CCDC160: variants seen among roughly 807,000 people sequenced by gnomAD.
The protein encoded by CCDC160 is coiled-coil domain-containing protein 160.
For synonymous variants in CCDC160, 94 were observed against 79.4 expected, an observed-to-expected ratio of 1.18 and a Z score of -0.98; for missense variants, 227 against 215.6, an observed-to-expected ratio of 1.05 and a Z score of -0.33.
At chrX:134,245,247 T>G in exon 2 of CCDC160, 3 of 1,194,538 alleles carry the variant, frequency 2.5e-6, no homozygotes, top group Non-Finnish European at 3.4e-6. Context: ...GCCTGAATCT[T>G]TTGAATGAAG....
chrX:134,238,472 A>T (rs1371805951), intron 1 of CCDC160, among the ~76,000 whole-genome samples: 1 of 102,968 alleles, frequency 9.7e-6, no homozygotes, highest in African/African-American at 3.6e-5. Flanking sequence ...TCCCTGGTTC[A>T]AGCGATTCTC....
chrX:134,242,156 G>A (rs1243831286), intron 1 of CCDC160, among the ~76,000 whole-genome samples: 1 of 110,986 alleles, frequency 9.0e-6, no homozygotes, highest in Non-Finnish European at 1.9e-5. Flanking sequence ...TAAGCCATGG[G>A]AGGGAAATTC....
downstream of CCDC160, among the ~76,000 whole-genome samples, chrX:134,246,550 C>T (rs1182037122): frequency 8.9e-6 from 1 of 111,810 alleles, no homozygotes; most frequent in Non-Finnish European, 1.9e-5. Context: ...GCTTCCTCCC[C>T]GGCTTACATC....
At chrX:134,244,798 G>A (rs751140112) in exon 2 of CCDC160, 5 of 1,159,540 alleles carry the variant, frequency 4.3e-6, no homozygotes, top group Non-Finnish European at 4.6e-6. Context: ...GGTGCCTGGA[G>A]AAATGGATGC....
intron 1 of CCDC160, chrX:134,238,833 C>T (rs768805039): frequency 9.0e-6 from 1 of 111,688 alleles, no homozygotes; most frequent in African/African-American, 3.3e-5. Flanking sequence ...TCTTGGACCC[C>T]AGGAAGTGTA....
In CCDC160 at chrX:134,245,502, G is replaced by C. The variant is rs1215988886; in HGVS notation, c.702G>C (p.Leu234Phe). Residue 234 changes from leucine to phenylalanine, a missense_variant, in exon 2 of 2, where the codon TTG (leucine) becomes TTC (phenylalanine). Leu to Phe is a conservative substitution (Grantham distance 22, BLOSUM62 0). Transcript: ENST00000370809. ...AAGCCAAAGAAGTCATCCACAAATT[G>C]AACCTAGAGAACAGAAATTTAAAAG... 2.5e-6 allele frequency: 3 copies of C among 1,191,255 alleles called. No homozygotes were observed. The South Asian group carries it at 5.6e-5, about 22-fold the overall frequency.
At chrX:134,245,329 C>T in exon 2 of CCDC160, 1 of 1,187,138 alleles carries the variant, frequency 8.4e-7, no homozygotes. Context: ...AGAACTTTTG[C>T]ACTACAAAAA....
intron 1 of CCDC160, among the ~76,000 whole-genome samples, chrX:134,240,291 A>T (rs2077023088): frequency 8.9e-6 from 1 of 112,328 alleles, no homozygotes; most frequent in South Asian, 3.7e-4. Flanking sequence ...TTGGTGGAGC[A>T]GTTTTTCTAA....
chrX:134,238,298 G>T (rs1348830202), intron 1 of CCDC160, among the ~76,000 whole-genome samples: 9 of 108,278 alleles, frequency 8.3e-5, no homozygotes, highest in Admixed American at 3.0e-4. Flanking sequence ...GACAAAAAGA[G>T]AAATTACCTC....
At chrX:134,243,714 A>T (rs2077034010) in intron 1 of CCDC160, among the ~76,000 whole-genome samples, 1 of 112,143 alleles carries the variant, frequency 8.9e-6, no homozygotes, top group Non-Finnish European at 1.9e-5. Context: ...GCATACTTTG[A>T]TTTTTCTACA....
intron 1 of CCDC160, among the ~76,000 whole-genome samples, chrX:134,240,516 A>G (rs2077023740): frequency 9.1e-6 from 1 of 110,374 alleles, no homozygotes; most frequent in Admixed American, 9.7e-5. Flanking sequence ...TTTGAGAGGA[A>G]GGACCCTTGT....
At chrX:134,245,874 G>A (rs2077041748), downstream of CCDC160, 1 of 590,647 alleles carries the variant, frequency 1.7e-6, no homozygotes, top group Non-Finnish European at 2.4e-6. Context: ...GTAATAGGAT[G>A]TTATTTTCAT....
intron 1 of CCDC160, among the ~76,000 whole-genome samples, chrX:134,243,144 A>T (rs1274366343): frequency 8.9e-6 from 1 of 112,190 alleles, no homozygotes; most frequent in East Asian, 2.8e-4. Flanking sequence ...AAAAGAAAGA[A>T]GATGATGCTC....
chrX:134,239,836 T>G (rs2077021713), intron 1 of CCDC160, among the ~76,000 whole-genome samples: 1 of 112,150 alleles, frequency 8.9e-6, no homozygotes, highest in Non-Finnish European at 1.9e-5. Flanking sequence ...GTCCCTATTT[T>G]ACACCTGAAG....
chrX:134,246,004 A>AGTGTGTGTGTGT (rs201689931), downstream of CCDC160: 117 of 200,242 alleles, frequency 5.8e-4, no homozygotes, highest in East Asian at 5.0e-3. Context: ...CTCATATCAG[A>AGTGTGTGTGTGT]GTGTGTGTGT....
intron 1 of CCDC160, among the ~76,000 whole-genome samples, chrX:134,242,409 G>A (rs2077030090): frequency 9.0e-6 from 1 of 111,443 alleles, no homozygotes; most frequent in African/African-American, 3.3e-5. Flanking sequence ...TATGGGCTGT[G>A]TGGCCTTGGT....
chrX:134,244,801 A>G, exon 2 of CCDC160: 1 of 1,159,934 alleles, frequency 8.6e-7, no homozygotes, highest in African/African-American at 1.8e-5. Context: ...GCCTGGAGAA[A>G]TGGATGCTAG....
At chrX:134,245,376 A>G in exon 2 of CCDC160, 7 of 1,191,934 alleles carry the variant, frequency 5.9e-6, no homozygotes, top group Non-Finnish European at 7.9e-6. Flanking sequence ...TTCAAGAAAC[A>G]GAGACGGATG....
intron 1 of CCDC160, among the ~76,000 whole-genome samples, chrX:134,240,091 T>C (rs2077022464): frequency 8.9e-6 from 1 of 111,820 alleles, no homozygotes; most frequent in African/African-American, 3.3e-5. Context: ...ATCTCCCCTA[T>C]AGGGGGCAGG....
Sources: gnomAD v4.1 joint callset for allele counts (sites outside exome capture counted in the v4.1 genomes callset) on GRCh38, gnomAD v4.1.1 for gene constraint, MANE v1.5 for transcripts, NCBI Gene and HGNC (gene_info 2026-07-23, HGNC 2026-07-21) for gene names.